Variants in VPS13C observed in about 807,000 individuals in gnomAD.
VPS13C encodes the protein intermembrane lipid transfer protein VPS13C.
VPS13C carries 358 observed loss-of-function variants against 456.8 expected under a neutral mutation model. The observed-to-expected ratio is 0.78, with a 90% CI of 0.72 to 0.86. The LOEUF is 0.86. VPS13C is among the 40% of genes least tolerant of loss of function. The pLI is 0.00. For synonymous variants in VPS13C, 1,578 were observed against 1,486.7 expected, an observed-to-expected ratio of 1.06 and a Z score of -1.41; for missense variants, 4,818 against 4,385.4, an observed-to-expected ratio of 1.10 and a Z score of -2.79.
At position 61,910,177 on chromosome 15, in the gene VPS13C, C is replaced by T; in HGVS notation, c.8844G>A (p.Leu2948=). The stretch of plus-strand genomic sequence containing the variant: ...AATAAAATAAAATATGAAAACTTAC[C>T]AGATCTTCTAAGCTCAATAAAGTGC... ...DNGTLLSLED[L]NGGILVDVNT... Residue 2948 remains leucine (L), a splice_region_variant and synonymous_variant, in exon 64 of 85, where the codon CTG becomes CTA. Transcript: ENST00000644861. 7.4e-7 allele frequency: 1 copy of T among 1,351,116 alleles called. No individual in the cohort carries two copies. Among genetic ancestry groups the T allele is most frequent in the Non-Finnish European group, 9.6e-7 (1 of 1,046,912 alleles). 83.7% of individuals were successfully genotyped at this position (1,351,116 alleles called of 1,614,324 possible).
chr15:61,968,269 A>T (rs2045440201), intron 28 of VPS13C, among the ~76,000 whole-genome samples: 1 of 152,016 alleles, frequency 6.6e-6, no homozygotes, highest in Non-Finnish European at 1.5e-5. Context: ...TCAGATTGAA[A>T]TATTAAAAAA....
At chr15:61,913,582 G>A (rs1489885702) in intron 61 of VPS13C, among the ~76,000 whole-genome samples, 167 bp from the exon 62 acceptor site, 1 of 151,984 alleles carries the variant, frequency 6.6e-6, no homozygotes. Context: ...AAAAACTCTA[G>A]GGAACAACAA....
At chr15:61,908,634 C>A (rs531306634) in intron 65 of VPS13C, among the ~76,000 whole-genome samples, 1 of 152,242 alleles carries the variant, frequency 6.6e-6, no homozygotes, top group African/African-American at 2.4e-5. Context: ...AATACTTAAA[C>A]AGGTTCACTC....
intron 47 of VPS13C, among the ~76,000 whole-genome samples, chr15:61,939,214 C>G (rs1431592127): frequency 6.6e-6 from 1 of 152,120 alleles, no homozygotes; most frequent in Non-Finnish European, 1.5e-5. Context: ...GTCCTGGGAT[C>G]TAATCTTTGA....
intron 6 of VPS13C, among the ~76,000 whole-genome samples, chr15:62,026,504 T>C (rs2047645950): frequency 6.6e-6 from 1 of 152,076 alleles, no homozygotes; most frequent in African/African-American, 2.4e-5. Context: ...GCTCAAATTT[T>C]ATCACTGACA....
intron 9 of VPS13C, 126 bp from the exon 10 acceptor site, chr15:62,014,118 GCTAT>G: frequency 1.9e-6 from 1 of 540,268 alleles, no homozygotes; most frequent in Non-Finnish European, 3.2e-6. Context: ...ACTAGTATTA[GCTAT>G]CTATTTCTTT....
intron 81 of VPS13C, chr15:61,865,449 A>G (rs977315274): frequency 2.0e-6 from 2 of 984,668 alleles, no homozygotes; most frequent in African/African-American, 3.5e-5. Context: ...CTAAAAAGCA[A>G]GAAATGCTGT....
chr15:61,871,526 A>G (rs1445057429), intron 79 of VPS13C, among the ~76,000 whole-genome samples: 2 of 151,726 alleles, frequency 1.3e-5, no homozygotes, highest in Non-Finnish European at 1.5e-5. Context: ...GTAAGTTTTC[A>G]ATTTGGGAAG....
chr15:62,031,659 T>A (rs1187328843), intron 5 of VPS13C, among the ~76,000 whole-genome samples: 5 of 152,024 alleles, frequency 3.3e-5, no homozygotes. Context: ...TAATTCTATA[T>A]GAAAAAAACT....
Position 62,021,699 on chromosome 15 carries a change from C to T in VPS13C, c.625-1161G>A, listed in dbSNP as rs114953222. Among the ~76,000 whole-genome samples the T allele has an allele frequency of 4.5e-4, 68 of 151,934 alleles. 1 individual carries two copies. In the East Asian group the frequency reaches 6.4e-3, roughly 14 times the overall value. On this transcript the variant is annotated intron_variant, in intron 8 of 84. Coordinates refer to ENST00000644861, the MANE Select transcript of VPS13C (RefSeq NM_020821.3). ...ATCCATGTGGTACAGTTGAGAAGTACGAATAGCTTTATAAGTCATTTTAAT... is the reference window on the plus strand; with the variant it reads ...ATCCATGTGGTACAGTTGAGAAGTATGAATAGCTTTATAAGTCATTTTAAT...
chr15:62,021,114 GAAT>G (rs2047446538), intron 8 of VPS13C, among the ~76,000 whole-genome samples: 1 of 151,800 alleles, frequency 6.6e-6, no homozygotes, highest in South Asian at 2.1e-4. Flanking sequence ...TCAGTGTGTG[GAAT>G]AATACACATT....
At chr15:61,928,263 A>G (rs2140211861) in intron 51 of VPS13C, among the ~76,000 whole-genome samples, 1 of 152,312 alleles carries the variant, frequency 6.6e-6, no homozygotes, top group South Asian at 2.1e-4. Flanking sequence ...GCATGTACGC[A>G]GGCATAAGTA....
At chr15:61,908,886 T>A in intron 65 of VPS13C, 106 bp downstream of exon 65, 3 of 1,344,864 alleles carry the variant, frequency 2.2e-6, no homozygotes, top group Non-Finnish European at 2.0e-6. Context: ...GTGTTCCATA[T>A]CACCTTTCTA....
chr15:61,853,471 A>G lies in VPS13C; in HGVS notation c.*986T>C, dbSNP rs1893748623. The G allele has an allele frequency of 6.6e-6, 1 of 152,192 alleles. No individual in the cohort carries two copies. The highest frequency in any genetic ancestry group is 2.4e-5 in the African/African-American group (1 of 41,452). 9.4% of individuals were successfully genotyped at this position (152,192 alleles called of 1,614,324 possible). The stretch of plus-strand genomic sequence containing the variant: ...ACTTCCAAATTTTTATGAATGCTAC[A>G]TTACAGAGGGCAGAGTGTAGCTATT... On this transcript the variant is annotated 3_prime_UTR_variant, in exon 85 of 85. Coordinates refer to ENST00000644861, the MANE Select transcript of VPS13C (RefSeq NM_020821.3).
chr15:61,882,608 C>A lies in VPS13C; in HGVS notation c.9612G>T (p.Leu3204Phe), dbSNP rs148759901. 3 of 1,549,938 alleles carry A rather than the reference C, an allele frequency of 1.9e-6. No homozygotes were observed. Among genetic ancestry groups the A allele is most frequent in the Middle Eastern group, 1.7e-4 (1 of 5,770 alleles). Residue 3204 changes from leucine (L) to phenylalanine (F), a missense_variant, in exon 69 of 85, where the codon TTG becomes TTT. By Grantham distance (22) the Leu-to-Phe change is conservative (BLOSUM62 0). Around this residue, in one of 3 missense-constraint regions of VPS13C, gnomAD observed 4,552 missense variants for 4,130.6 expected, o/e 1.10. Coordinates refer to ENST00000644861, the MANE Select transcript of VPS13C (RefSeq NM_020821.3). The part of the protein sequence containing the change: ...SSHQRSLRAR[L>F]YWLQVDNQLP... ...ATGACAATGTTACCTGAAGCCAGTA[C>A]AACCTGGCCCTTAAACTTCTCTGGT...
intron 37 of VPS13C, 69 bp downstream of exon 37, chr15:61,958,539 G>A: frequency 1.2e-6 from 1 of 856,358 alleles, no homozygotes. Context: ...CTTTTTATTT[G>A]CTGATTCCCT....
intron 47 of VPS13C, among the ~76,000 whole-genome samples, chr15:61,938,541 C>T (rs950319564): frequency 2.6e-5 from 4 of 152,120 alleles, no homozygotes; most frequent in African/African-American, 7.2e-5. Flanking sequence ...GCAGTGGTGG[C>T]CTCATCCACT....
chr15:61,896,422 G>A (rs988683724), intron 66 of VPS13C, among the ~76,000 whole-genome samples: 2 of 152,194 alleles, frequency 1.3e-5, no homozygotes, highest in African/African-American at 4.8e-5. Context: ...AGCAGGGTGA[G>A]GCATTGCCTC....
chr15:62,001,772 G>C (rs904169287), intron 15 of VPS13C, among the ~76,000 whole-genome samples: 11 of 152,142 alleles, frequency 7.2e-5, no homozygotes, highest in African/African-American at 2.7e-4. Context: ...TGCGGTGTTT[G>C]GTTTTTTGTT....
Sources: allele counts gnomAD v4.1 joint callset (sites outside exome capture counted in the v4.1 genomes callset), GRCh38; gene constraint gnomAD v4.1.1; regional missense constraint gnomAD v4.1.1; transcripts MANE v1.5; gene names NCBI Gene and HGNC (gene_info 2026-07-23, HGNC 2026-07-21).